SUZ12: variants seen among roughly 807,000 people sequenced by gnomAD.
The protein encoded by SUZ12 is polycomb protein SUZ12.
SUZ12 carries 17 observed loss-of-function variants against 87.3 expected under a neutral mutation model. The observed-to-expected ratio is 0.19, with a 90% CI of 0.13 to 0.29. The LOEUF (loss-of-function observed/expected upper bound fraction) is 0.29, where lower values mean the gene tolerates loss of function less well. Among genes scored for constraint, SUZ12 ranks in the 10% least tolerant of loss-of-function variants. SUZ12 has a pLI of 1.00. For synonymous variants in SUZ12, 253 were observed against 312.4 expected (o/e 0.81, Z 2.01); for missense variants, 526 against 912.2 (o/e 0.58, Z 5.45).
chr17:31,961,072 G>A lies in SUZ12; in HGVS notation c.456-5075G>A, dbSNP rs145725423. Among the ~76,000 whole-genome samples, 1,100 of 152,026 alleles carry A rather than the reference G, an allele frequency of 7.2e-3. 12 individuals carry two copies. The highest frequency in any genetic ancestry group is 0.026 in the African/African-American group (1,062 of 41,454). ...CTAAAAAATACAAAAAATAAACTGG[G>A]CATGGCAGCATGTGCCTGACTCCCA... is the stretch of plus-strand genomic sequence containing the variant. On this transcript the variant is annotated intron_variant, in intron 4 of 15. Transcript: ENST00000322652.
intron 13 of SUZ12, among the ~76,000 whole-genome samples, chr17:31,995,058 T>C (rs1909900193): frequency 6.6e-6 from 1 of 152,234 alleles, no homozygotes; most frequent in Non-Finnish European, 1.5e-5. Flanking sequence ...GTTGTGCCAT[T>C]GCACTCCGGC....
chr17:31,941,918 TATC>T, intron 3 of SUZ12, among the ~76,000 whole-genome samples: 1 of 151,842 alleles, frequency 6.6e-6, no homozygotes, highest in South Asian at 2.1e-4. Context: ...AGTGGTGCGA[TATC>T]GGCTCACTGC....
At chr17:31,967,499 C>CT (rs1276933050) in intron 5 of SUZ12, 1 of 152,084 alleles carries the variant, frequency 6.6e-6, no homozygotes, top group African/African-American at 2.4e-5. Flanking sequence ...TACAAAAAAA[C>CT]TAGCTGGGTG....
intron 3 of SUZ12, among the ~76,000 whole-genome samples, chr17:31,940,846 C>T (rs1238043034): frequency 6.6e-6 from 1 of 151,684 alleles, no homozygotes; most frequent in African/African-American, 2.4e-5. Flanking sequence ...AACCCTGTAT[C>T]TACTAAAACA....
At chr17:31,998,359 G>C (rs4291970) in intron 15 of SUZ12, among the ~76,000 whole-genome samples, 23,359 of 151,990 alleles carry the variant, frequency 0.15, 1,903 homozygotes, top group Admixed American at 0.23. Context: ...AATTACAGGC[G>C]TAATTACCTG....
Position 31,937,404 on chromosome 17 carries a change from C to G in SUZ12, c.158C>G (p.Ser53Trp). 6.5e-7 allele frequency: 1 copy of G among 1,539,670 alleles called. No homozygotes were observed. Among genetic ancestry groups the G allele is most frequent in the Non-Finnish European group, 8.7e-7 (1 of 1,143,694 alleles). Residue 53 changes from serine to tryptophan, a missense_variant, in exon 1 of 16, where the codon TCG (serine) becomes TGG (tryptophan). By Grantham distance (177) the Ser-to-Trp change is radical (BLOSUM62 -3). Coordinates refer to ENST00000322652, the MANE Select transcript of SUZ12 (RefSeq NM_015355.4). ...AGCTGTGGAGGGGGTGGCAGTTACT[C>G]GGCCTCCTCCTCCTCCTCCGCGGCG... ...GGSCGGGGSY[S>W]ASSSSSAAAA... is the part of the protein sequence containing the mutation.
chr17:31,995,414 C>A, intron 13 of SUZ12, 150 bp from the exon 14 acceptor site: 1 of 598,536 alleles, frequency 1.7e-6, no homozygotes, highest in South Asian at 2.2e-5. Flanking sequence ...AAGAAAATAA[C>A]TAGTGGGGGT....
chr17:31,977,433 C>T (rs553440278), intron 8 of SUZ12, among the ~76,000 whole-genome samples: 1 of 152,198 alleles, frequency 6.6e-6, no homozygotes, highest in South Asian at 2.1e-4. Flanking sequence ...GTGCGTGCCA[C>T]CACGCCCAGC....
At chr17:31,988,673 A>G (rs1486802316) in intron 10 of SUZ12, among the ~76,000 whole-genome samples, 176 bp downstream of exon 10, 3 of 151,112 alleles carry the variant, frequency 2.0e-5, no homozygotes, top group Non-Finnish European at 3.0e-5. Flanking sequence ...GCTCACTGCA[A>G]CCTCTGCCTT....
intron 3 of SUZ12, among the ~76,000 whole-genome samples, chr17:31,942,201 C>T (rs183881508): frequency 1.3e-5 from 2 of 152,082 alleles, no homozygotes; most frequent in Admixed American, 1.3e-4. Context: ...TAAATATTTA[C>T]TAAAGGGCTC....
intron 3 of SUZ12, among the ~76,000 whole-genome samples, chr17:31,945,163 C>T (rs1208040439): frequency 6.6e-6 from 1 of 151,404 alleles, no homozygotes; most frequent in African/African-American, 2.4e-5. Flanking sequence ...AATTAAAGCA[C>T]AACTCATTTG....
chr17:31,940,459 A>G lies in SUZ12; in HGVS notation c.359A>G (p.His120Arg). The G allele has an allele frequency of 6.3e-7, 1 of 1,591,636 alleles. No homozygotes were observed. ...CACAGAACTCTTACTTACATGTCTCATCGAAACTCCAGAACAAACATCAAA... is the reference window on the plus strand; with the variant it reads ...CACAGAACTCTTACTTACATGTCTCGTCGAAACTCCAGAACAAACATCAAA... Reference protein sequence around the residue: ...FLHRTLTYMSHRNSRTNIKRK... With the variant: ...FLHRTLTYMSRRNSRTNIKRK... The change falls in exon 3 of 16, where the codon CAT (histidine) becomes CGT (arginine). Residue 120 changes from histidine to arginine, a missense_variant. By Grantham distance (29) the His-to-Arg change is conservative. Coordinates refer to ENST00000322652, the MANE Select transcript of SUZ12 (RefSeq NM_015355.4).
chr17:31,999,118 A>C lies in SUZ12; in HGVS notation c.*115A>C, dbSNP rs958886693. 1.2e-6 allele frequency: 1 copy of C among 836,254 alleles called. No homozygotes were observed. The highest frequency in any genetic ancestry group is 1.8e-6 in the Non-Finnish European group (1 of 571,060). The allele number at this position is 836,254 out of a possible 1,614,324, so 51.8% of individuals were successfully genotyped here. On this transcript the variant is annotated 3_prime_UTR_variant, in exon 16 of 16. Coordinates refer to ENST00000322652, the MANE Select transcript of SUZ12 (RefSeq NM_015355.4). ...TGTTCCAAACAGGCACTGTTAGATG[A>C]AGTAAATGATTTCAACAAGGATATT...
Position 32,000,990 on chromosome 17 carries a change from A to T in SUZ12, c.*1987A>T. ...ACATTTGTTTTTACATTAAATGTTT[A>T]TTTGAAATCAAATGATTTTGTACAT... On this transcript the variant is annotated 3_prime_UTR_variant, in exon 16 of 16. Coordinates refer to ENST00000322652, the MANE Select transcript of SUZ12 (RefSeq NM_015355.4). 1 of 211,298 alleles carries T rather than the reference A, an allele frequency of 4.7e-6. No homozygotes were observed. The highest frequency in any genetic ancestry group is 9.6e-6 in the Non-Finnish European group (1 of 104,072). 13.1% of individuals were successfully genotyped at this position (211,298 alleles called of 1,614,324 possible).
chr17:31,965,007 G>A (rs1479224473), intron 4 of SUZ12, among the ~76,000 whole-genome samples: 1 of 149,536 alleles, frequency 6.7e-6, no homozygotes, highest in African/African-American at 2.4e-5. Context: ...GAGGAGTCCT[G>A]GTCAAATTTA....
At chr17:31,965,634 T>G (rs1908043529) in intron 4 of SUZ12, 1 of 152,338 alleles carries the variant, frequency 6.6e-6, no homozygotes, top group Non-Finnish European at 1.5e-5. Context: ...ATTGGGAAGG[T>G]TGAATTTCCA....
intron 10 of SUZ12, among the ~76,000 whole-genome samples, chr17:31,991,065 G>A (rs1295341631): frequency 1.3e-5 from 2 of 152,190 alleles, no homozygotes; most frequent in Non-Finnish European, 2.9e-5. Flanking sequence ...TCATTTTTGT[G>A]TCTGTCCAGT....
chr17:31,985,354 CAT>C (rs1433964490), intron 9 of SUZ12, among the ~76,000 whole-genome samples: 2 of 151,434 alleles, frequency 1.3e-5, no homozygotes, highest in African/African-American at 4.8e-5. Flanking sequence ...ACATTAGAAA[CAT>C]GTTAAATCTA....
intron 11 of SUZ12, 129 bp from the exon 12 acceptor site, chr17:31,993,732 TTTAA>T (rs766316165): frequency 4.0e-6 from 4 of 992,800 alleles, no homozygotes; most frequent in Non-Finnish European, 5.7e-6. Flanking sequence ...ACTGGGCATA[TTTAA>T]TTAAAGAGAA....
Sources: gnomAD v4.1 joint callset for allele counts (sites outside exome capture counted in the v4.1 genomes callset) on GRCh38, gnomAD v4.1.1 for gene constraint, MANE v1.5 for transcripts, NCBI Gene and HGNC (gene_info 2026-07-23, HGNC 2026-07-21) for gene names.